Variants in DSG1 observed in about 807,000 individuals in gnomAD.
The protein encoded by DSG1 is desmoglein-1.
In DSG1, 39 loss-of-function variants were observed where a neutral mutation model predicts 97.5. The observed-to-expected ratio is 0.40, with a 90% confidence interval of 0.31 to 0.52. The LOEUF is 0.52. Among genes scored for constraint, DSG1 ranks in the 20% least tolerant of loss-of-function variants. The pLI, the probability that DSG1 is intolerant of heterozygous loss-of-function variation, is 0.53. For synonymous variants in DSG1, 475 were observed against 443.4 expected (o/e 1.07, Z -0.90); for missense variants, 1,311 against 1,295.4 (o/e 1.01, Z -0.18).
At chr18:31,344,329 T>C (rs577498213) in intron 13 of DSG1, among the ~76,000 whole-genome samples, 1 of 152,280 alleles carries the variant, frequency 6.6e-6, no homozygotes, top group East Asian at 1.9e-4. Flanking sequence ...TTAACATACA[T>C]ACACACACAT....
chr18:31,333,153 C>T (rs1408490134), intron 6 of DSG1, among the ~76,000 whole-genome samples: 1 of 152,110 alleles, frequency 6.6e-6, no homozygotes, highest in East Asian at 1.9e-4. Context: ...AGATACATCA[C>T]CAATAATTCC....
intron 1 of DSG1, among the ~76,000 whole-genome samples, chr18:31,320,825 G>A (rs532632419): frequency 6.6e-6 from 1 of 152,284 alleles, no homozygotes; most frequent in East Asian, 1.9e-4. Flanking sequence ...AAAAAGTACA[G>A]CATGGTCACT....
intron 3 of DSG1, among the ~76,000 whole-genome samples, 187 bp from the exon 4 acceptor site, chr18:31,328,002 A>G (rs1338260446): frequency 1.3e-5 from 2 of 152,172 alleles, no homozygotes; most frequent in East Asian, 1.9e-4. Context: ...CTTTGATTAC[A>G]TTGTCAGTTA....
At chr18:31,319,890 G>T (rs1401215503) in intron 1 of DSG1, among the ~76,000 whole-genome samples, 2 of 126,946 alleles carry the variant, frequency 1.6e-5, no homozygotes, top group African/African-American at 5.2e-5. Flanking sequence ...CTCTAGCTGT[G>T]CCTAGATTTT....
At chr18:31,327,224 AATGCAT>A (rs887204968) in intron 3 of DSG1, among the ~76,000 whole-genome samples, 9 of 152,148 alleles carry the variant, frequency 5.9e-5, no homozygotes, top group Admixed American at 5.9e-4. Flanking sequence ...TCATTGGTGA[AATGCAT>A]ACACATGATC....
chr18:31,323,085 C>T (rs556118278), intron 1 of DSG1, among the ~76,000 whole-genome samples: 1 of 152,254 alleles, frequency 6.6e-6, no homozygotes, highest in African/African-American at 2.4e-5. Flanking sequence ...CTTTTAGTCT[C>T]ATATACAGCT....
At chr18:31,341,550 T>G (rs1330540164) in intron 11 of DSG1, among the ~76,000 whole-genome samples, 3 of 152,174 alleles carry the variant, frequency 2.0e-5, no homozygotes, top group African/African-American at 7.2e-5. Context: ...AAAACGTATT[T>G]CCAAAAAATG....
intron 6 of DSG1, 44 bp from the exon 7 acceptor site, chr18:31,333,545 C>T: frequency 6.2e-7 from 1 of 1,612,792 alleles, no homozygotes. Context: ...AAAGTAAAGG[C>T]TGTCTACGTC....
rs537633135 is a variant in DSG1 at position 31,331,341 on chromosome 18, A to G, written c.518-360A>G. Reference sequence around the variant, plus strand: ...ATTGAGGCCAAGATCATATAGCTAGAAAGTGTTGAGAAAGTTGGGAAAATG... The same window carrying G: ...ATTGAGGCCAAGATCATATAGCTAGGAAGTGTTGAGAAAGTTGGGAAAATG... On this transcript the variant is annotated intron_variant, in intron 5 of 14. Transcript: ENST00000257192. 7.2e-5 allele frequency among the ~76,000 whole-genome samples: 11 copies of G among 152,248 alleles called. No homozygotes were observed. The East Asian group carries it at 2.1e-3, about 29-fold the overall frequency.
chr18:31,346,761 C>G (rs1391894552), intron 14 of DSG1, among the ~76,000 whole-genome samples: 3 of 152,188 alleles, frequency 2.0e-5, no homozygotes, highest in Non-Finnish European at 4.4e-5. Context: ...TTTATAGAAC[C>G]TATCATTGCT....
rs1311816263 is a variant in DSG1, at chr18:31,354,876, G to A, written c.2680G>A (p.Val894Met). The change falls in exon 15 of 15, where the codon GTG becomes ATG. Residue 894 changes from valine to methionine, a missense_variant. Around this residue, in one of 3 missense-constraint regions of DSG1, gnomAD observed 1,038 missense variants for 964.6 expected, o/e 1.08. Coordinates refer to ENST00000257192, the MANE Select transcript of DSG1 (RefSeq NM_001942.4). ...PDLRDGSNVI[V>M]TERVIAPSSS... ...CTTGCGAGATGGGTCGAATGTTATA[G>A]TGACAGAAAGGGTAATAGCACCAAG... 1.2e-6 allele frequency: 2 copies of A among 1,614,074 alleles called. No individual in the cohort carries two copies. Among genetic ancestry groups the A allele is most frequent in the Non-Finnish European group, 1.7e-6 (2 of 1,180,034 alleles).
Position 31,355,161 on chromosome 18 carries a change from G to A in DSG1, c.2965G>A (p.Gly989Ser), listed in dbSNP as rs145472309. The change falls in exon 15 of 15, where the codon GGT becomes AGT. Residue 989 changes from glycine (G) to serine (S), a missense_variant. By Grantham distance (56) the Gly-to-Ser change is moderately conservative. Around this residue, in one of 3 missense-constraint regions of DSG1, gnomAD observed 1,038 missense variants for 964.6 expected, o/e 1.08. Coordinates refer to ENST00000257192, the MANE Select transcript of DSG1 (RefSeq NM_001942.4). ...TGGCACCAGCATGGGTGCTGGGAGC[G>A]GTGCCCTGAGTGGAGCTGGCATAAG... is the stretch of plus-strand genomic sequence containing the variant. ...LVGTSMGAGSGALSGAGISGG... is the reference protein window; with the variant it reads ...LVGTSMGAGSSALSGAGISGG... 8.5e-5 allele frequency: 136 copies of A among 1,607,820 alleles called. No individual in the cohort carries two copies. The highest frequency in any genetic ancestry group is 4.5e-4 in the African/African-American group (34 of 74,948).
chr18:31,333,446 G>C, intron 6 of DSG1, 143 bp from the exon 7 acceptor site: 1 of 911,922 alleles, frequency 1.1e-6, no homozygotes, highest in Non-Finnish European at 1.7e-6. Context: ...TGTGAAACTT[G>C]TGGATTTCCC....
intron 3 of DSG1, among the ~76,000 whole-genome samples, chr18:31,327,815 A>C (rs1313161968): frequency 1.3e-5 from 2 of 152,204 alleles, no homozygotes; most frequent in Non-Finnish European, 2.9e-5. Flanking sequence ...TAAACTCCTT[A>C]AGAGGGCAAA....
At chr18:31,349,888 A>G (rs1300660516) in intron 14 of DSG1, among the ~76,000 whole-genome samples, 354 of 34,450 alleles carry the variant, frequency 0.01, no homozygotes, top group Non-Finnish European at 0.012. Flanking sequence ...GGGGTTTTCT[A>G]GATATACAAT....
At position 31,357,473 on chromosome 18, in the gene DSG1, G is replaced by T. The variant is rs527679587; in HGVS notation, c.*2127G>T. Among the ~76,000 whole-genome samples the T allele has an allele frequency of 1.3e-5, 2 of 152,114 alleles. No individual in the cohort carries two copies. The highest frequency in any genetic ancestry group is 1.9e-4 in the East Asian group (1 of 5,188). On this transcript the variant is annotated 3_prime_UTR_variant, in exon 15 of 15. Transcript: ENST00000257192. ...AATTAAGTAATTTATTAAAGGGAAT[G>T]GTAGCTGACCACAGGAAACTTGCTT...
intron 3 of DSG1, 126 bp downstream of exon 3, chr18:31,327,131 C>G: frequency 7.9e-7 from 1 of 1,260,298 alleles, no homozygotes; most frequent in Non-Finnish European, 1.1e-6. Context: ...GAACTATAGT[C>G]ACCTAGATGA....
At chr18:31,335,508 G>A (rs777141719) in intron 8 of DSG1, among the ~76,000 whole-genome samples, 25 of 151,660 alleles carry the variant, frequency 1.6e-4, no homozygotes, top group Non-Finnish European at 3.1e-4. Flanking sequence ...CTTTGTTATA[G>A]CTATATACAT....
chr18:31,336,177 T>G (rs2071750749), intron 8 of DSG1, among the ~76,000 whole-genome samples, 177 bp from the exon 9 acceptor site: 1 of 152,192 alleles, frequency 6.6e-6, no homozygotes, highest in Non-Finnish European at 1.5e-5. Context: ...CTTACTTTAT[T>G]TGCACAAATT....
Sources: gnomAD v4.1 joint callset for allele counts (sites outside exome capture counted in the v4.1 genomes callset) on GRCh38, gnomAD v4.1.1 for gene constraint, gnomAD v4.1.1 regional missense constraint, MANE v1.5 for transcripts, NCBI Gene and HGNC (gene_info 2026-07-23, HGNC 2026-07-21) for gene names.